AGR2: variants seen among roughly 807,000 people sequenced by gnomAD.
AGR2 encodes anterior gradient 2, protein disulphide isomerase family member.
AGR2 carries 27 observed loss-of-function variants against 25.9 expected under a neutral mutation model. The ratio of observed to expected loss-of-function variants is 1.04; its 90% CI spans 0.77 to 1.44. The LOEUF (loss-of-function observed/expected upper bound fraction) is 1.44. AGR2 is among the 40% of genes most tolerant of loss of function. AGR2 has a pLI of 0.00. For missense variants in AGR2, 182 were observed against 200.9 expected (o/e 0.91, Z 0.57); for synonymous variants, 78 against 72.0 (o/e 1.08, Z -0.42).
Position 16,804,495 on chromosome 7 carries a change from A to T in AGR2, c.-8+440T>A, listed in dbSNP as rs57091338. On this transcript the variant is annotated intron_variant, in intron 1 of 7. Coordinates refer to ENST00000419304, the MANE Select transcript of AGR2 (RefSeq NM_006408.4). ...AGAATGTCTTTGCAGCAAAAAGAGAAAGAAAACTGTTTTCTGATTTGCAAT... is the reference window on the plus strand; with the variant it reads ...AGAATGTCTTTGCAGCAAAAAGAGATAGAAAACTGTTTTCTGATTTGCAAT... Among the ~76,000 whole-genome samples, 340 of 152,330 alleles carry T rather than the reference A, an allele frequency of 2.2e-3. 1 individual carries two copies. The highest frequency in any genetic ancestry group is 7.9e-3 in the African/African-American group (330 of 41,562).
At chr7:16,798,785 G>C (rs532342283) in intron 5 of AGR2, among the ~76,000 whole-genome samples, 1 of 152,308 alleles carries the variant, frequency 6.6e-6, no homozygotes, top group African/African-American at 2.4e-5. Context: ...GTAAGTAGGA[G>C]AGTCCAATCT....
At chr7:16,796,253 T>C (rs778754046) in intron 6 of AGR2, among the ~76,000 whole-genome samples, 18 of 152,200 alleles carry the variant, frequency 1.2e-4, no homozygotes, top group Non-Finnish European at 2.1e-4. Flanking sequence ...AGGAATTGAA[T>C]GTGGGTTAAA....
In AGR2 at chr7:16,798,697, G is replaced by T. The variant is rs545999134; in HGVS notation, c.331-1003C>A. Among the ~76,000 whole-genome samples, 314 of 152,258 alleles carry T rather than the reference G, an allele frequency of 2.1e-3. 2 individuals carry two copies. The highest frequency in any genetic ancestry group is 3.8e-3 in the Non-Finnish European group (256 of 68,024). ...AGTGAAAGAGGCTTACTAAAATAGT[G>T]GTCCTGAGTTTATAGAGAAGTGACT... On this transcript the variant is annotated intron_variant, in intron 5 of 7. Transcript: ENST00000419304.
Position 16,797,667 on chromosome 7 carries a change from G to T in AGR2, c.358C>A (p.Pro120Thr), listed in dbSNP as rs1354569215. Residue 120 changes from proline (P) to threonine (T), a missense_variant, in exon 6 of 8, where the codon CCT (proline) becomes ACT (threonine). Physicochemically the swap from Pro to Thr is conservative, Grantham distance 38 (BLOSUM62 -1). Coordinates refer to ENST00000419304, the MANE Select transcript of AGR2 (RefSeq NM_006408.4). ...VYETTDKHLSPDGQYVPRIMF... is the reference protein window; with the variant it reads ...VYETTDKHLSTDGQYVPRIMF... ...ATCCTGGGGACATACTGGCCATCAG[G>T]AGAAAGGTGTTTGTCAGTTGTTTCA... is the stretch of plus-strand genomic sequence containing the variant. 9 of 1,613,810 alleles carry T rather than the reference G, an allele frequency of 5.6e-6. No individual in the cohort carries two copies. In the Admixed American group the frequency reaches 1.0e-4, roughly 18 times the overall value.
Position 16,792,411 on chromosome 7 carries a change from G to A in AGR2, c.*497C>T, listed in dbSNP as rs1316367340. 3 of 153,256 alleles carry A rather than the reference G, an allele frequency of 2.0e-5. No individual in the cohort carries two copies. The highest frequency in any genetic ancestry group is 7.2e-5 in the African/African-American group (3 of 41,450). 9.5% of individuals were successfully genotyped at this position (153,256 alleles called of 1,614,324 possible). A position where few individuals can be genotyped will look rare whatever the true frequency, so the allele number is the denominator to read the frequency against. On this transcript the variant is annotated 3_prime_UTR_variant, in exon 8 of 8. Coordinates refer to ENST00000419304, the MANE Select transcript of AGR2 (RefSeq NM_006408.4). ...CTAGGTAGTGATGTGATTTTCTTGGGATGTTTTTCTAAATATTCTTTTATG... is the reference window on the plus strand; with the variant it reads ...CTAGGTAGTGATGTGATTTTCTTGGAATGTTTTTCTAAATATTCTTTTATG...
chr7:16,797,120 G>T (rs1456338414), intron 6 of AGR2, among the ~76,000 whole-genome samples: 2 of 151,966 alleles, frequency 1.3e-5, no homozygotes, highest in Non-Finnish European at 2.9e-5. Context: ...TAGAGATGGG[G>T]TTTCACCTTG....
chr7:16,799,961 A>C, intron 4 of AGR2, 144 bp from the exon 5 acceptor site: 1 of 611,578 alleles, frequency 1.6e-6, no homozygotes, highest in Admixed American at 2.9e-5. Context: ...GCAAATGATT[A>C]GTGAAGTAAT....
In AGR2 at chr7:16,801,149, A is replaced by G. The variant is rs753915618; in HGVS notation, c.256+2T>C. 2.2e-5 allele frequency: 35 copies of G among 1,612,834 alleles called. No individual in the cohort carries two copies. The highest frequency in any genetic ancestry group is 3.0e-5 in the Non-Finnish European group (35 of 1,179,180). On this transcript the variant is annotated splice_donor_variant, in intron 4 of 7. Transcript: ENST00000419304. LOFTEE classifies it high-confidence loss of function. ...GAAATCATACTTAGAAGAATAAATT[A>G]CCTTGACTGTGTGGGCACTCATCCA...
chr7:16,792,957 A>T lies in AGR2; in HGVS notation c.479T>A (p.Leu160Ter), dbSNP rs1284117979. The T allele has an allele frequency of 6.2e-7, 1 of 1,614,008 alleles. No individual in the cohort carries two copies. Among genetic ancestry groups the T allele is most frequent in the South Asian group, 1.1e-5 (1 of 91,082 alleles). ...GAGAGCTTTCTTCATGTTGTCAAGC[A>T]CTAATGGGGGATAAAAGCAGGAGAG... is the stretch of plus-strand genomic sequence containing the variant. ...YAYEPADTALLLDNMKKALKL... is the reference protein window; with the variant it reads ...YAYEPADTAL The change falls in exon 8 of 8, where the codon TTG becomes TAG. Residue 160 changes from leucine to a stop codon, truncating the protein, a stop_gained and splice_region_variant. Coordinates refer to ENST00000419304, the MANE Select transcript of AGR2 (RefSeq NM_006408.4). LOFTEE classifies it high-confidence loss of function.
intron 4 of AGR2, among the ~76,000 whole-genome samples, chr7:16,800,840 C>A (rs1785129259): frequency 6.6e-6 from 1 of 152,130 alleles, no homozygotes; most frequent in Non-Finnish European, 1.5e-5. Flanking sequence ...AGGCTTCATG[C>A]CTGTGAAGCT....
At chr7:16,799,180 G>A (rs1785097890) in intron 5 of AGR2, among the ~76,000 whole-genome samples, 1 of 152,104 alleles carries the variant, frequency 6.6e-6, no homozygotes, top group Non-Finnish European at 1.5e-5. Context: ...AACCTGTGAA[G>A]AGGAAGGGCC....
At chr7:16,793,502 T>G (rs1036390528) in intron 7 of AGR2, among the ~76,000 whole-genome samples, 1 of 152,238 alleles carries the variant, frequency 6.6e-6, no homozygotes, top group African/African-American at 2.4e-5. Flanking sequence ...AAAAGAATCC[T>G]TTTATAAGCT....
At chr7:16,796,902 C>G (rs982911719) in intron 6 of AGR2, among the ~76,000 whole-genome samples, 2 of 150,424 alleles carry the variant, frequency 1.3e-5, no homozygotes, top group Admixed American at 1.3e-4. Flanking sequence ...TGGCTCCTTT[C>G]ATTTCTTTTT....
intron 6 of AGR2, among the ~76,000 whole-genome samples, chr7:16,795,937 C>T (rs1176257188): frequency 6.6e-6 from 1 of 152,162 alleles, no homozygotes; most frequent in Admixed American, 6.5e-5. Flanking sequence ...GATTTAAGAC[C>T]AACTATACTT....
At position 16,799,804 on chromosome 7, in the gene AGR2, C is replaced by G. The variant is rs775286089; in HGVS notation, c.270G>C (p.Val90=). Reference sequence around the variant, plus strand: ...TCTGGATTTCTTTATTTTCAGCAAACACTTTCTTTAAAGCTATAATATAAA... The same window carrying G: ...TCTGGATTTCTTTATTTTCAGCAAAGACTTTCTTTAAAGCTATAATATAAA... The part of the protein sequence containing the change: ...ECPHSQALKK[V]FAENKEIQKL... The change falls in exon 5 of 8, where the codon GTG becomes GTC. Residue 90 remains valine (V), a synonymous_variant. Transcript: ENST00000419304. 8.7e-6 allele frequency: 14 copies of G among 1,611,126 alleles called. No homozygotes were observed. Among genetic ancestry groups the G allele is most frequent in the Non-Finnish European group, 1.2e-5 (14 of 1,177,834 alleles).
rs117345005 is a variant in AGR2 at position 16,797,588 on chromosome 7, C to T, written c.394+43G>A. Reference sequence around the variant, plus strand: ...GGAGGAGAGAAGGAGGATGGCAGCACTAGTATGTGTTTCCGAGTTATCTCA... The same window carrying T: ...GGAGGAGAGAAGGAGGATGGCAGCATTAGTATGTGTTTCCGAGTTATCTCA... On this transcript the variant is annotated intron_variant, in intron 6 of 7. Coordinates refer to ENST00000419304, the MANE Select transcript of AGR2 (RefSeq NM_006408.4). The T allele has an allele frequency of 5.2e-3, 8,126 of 1,573,654 alleles. 30 individuals carry two copies. Among genetic ancestry groups the T allele is most frequent in the Non-Finnish European group, 6.4e-3 (7,350 of 1,145,392 alleles).
Position 16,797,730 on chromosome 7 carries a change from T to TAAAAC in AGR2, c.331-37_331-36insGTTTT, listed in dbSNP as rs1273970454. 4.4e-6 allele frequency: 7 copies of TAAAAC among 1,587,390 alleles called. No homozygotes were observed. The African/African-American group carries it at 5.4e-5, about 12-fold the overall frequency. ...AAGAAAAGCATCTTTTAGTTTACTT[T>TAAAAC]GACTTTTCAGTCGTTTTCAAACTTG... On this transcript the variant is annotated intron_variant, in intron 5 of 7. Coordinates refer to ENST00000419304, the MANE Select transcript of AGR2 (RefSeq NM_006408.4).
intron 4 of AGR2, among the ~76,000 whole-genome samples, chr7:16,800,457 T>G (rs1327143602): frequency 6.6e-6 from 1 of 152,086 alleles, no homozygotes; most frequent in Non-Finnish European, 1.5e-5. Context: ...AAGGGAGAGA[T>G]AGCCATTGGC....
intron 1 of AGR2, among the ~76,000 whole-genome samples, chr7:16,803,495 C>T (rs1429041273): frequency 6.6e-6 from 1 of 152,102 alleles, no homozygotes; most frequent in Non-Finnish European, 1.5e-5. Flanking sequence ...GAGTGGAAAC[C>T]TTTGCTAAGC....
Sources: gnomAD v4.1 joint callset for allele counts (sites outside exome capture counted in the v4.1 genomes callset) on GRCh38, gnomAD v4.1.1 for gene constraint, MANE v1.5 for transcripts, NCBI Gene and HGNC (gene_info 2026-07-23, HGNC 2026-07-21) for gene names.